Variants in GPATCH2 observed in about 807,000 individuals in gnomAD.
GPATCH2 encodes the protein G patch domain-containing protein 2.
In GPATCH2, 51 loss-of-function variants were observed where a neutral mutation model predicts 58.0. That is an observed-to-expected ratio of 0.88 (90% CI 0.70 to 1.11). The LOEUF (loss-of-function observed/expected upper bound fraction) is 1.11. Ranked by LOEUF, GPATCH2 falls within the 50% of genes most tolerant of loss-of-function variation. The probability of loss-of-function intolerance (pLI) is 0.00; values close to 1 mark genes in which losing one functional copy is unlikely to be tolerated. For missense variants in GPATCH2, 625 were observed against 652.2 expected (o/e 0.96, Z 0.45); for synonymous variants, 222 against 218.5 (o/e 1.02, Z -0.14).
intron 5 of GPATCH2, among the ~76,000 whole-genome samples, chr1:217,524,660 A>C (rs564714916): frequency 8.6e-5 from 13 of 151,596 alleles, no homozygotes; most frequent in Non-Finnish European, 1.0e-4. Context: ...GGAGCTGGAG[A>C]CCAGCCCTGC....
chr1:217,615,946 G>T (rs1180111299), intron 2 of GPATCH2, among the ~76,000 whole-genome samples: 1 of 151,930 alleles, frequency 6.6e-6, no homozygotes, highest in East Asian at 1.9e-4. Context: ...ATACAGCCAG[G>T]TTCATCTTTT....
At chr1:217,578,656 T>TA (rs750295829) in intron 5 of GPATCH2, among the ~76,000 whole-genome samples, 2 of 152,232 alleles carry the variant, frequency 1.3e-5, no homozygotes, top group African/African-American at 2.4e-5. Context: ...TGTGTTTTAC[T>TA]GACTGAATAA....
At chr1:217,453,423 T>C (rs540729745) in intron 8 of GPATCH2, among the ~76,000 whole-genome samples, 1 of 152,218 alleles carries the variant, frequency 6.6e-6, no homozygotes, top group South Asian at 2.1e-4. Flanking sequence ...ATGGTGCATT[T>C]TTGTTACGGG....
At chr1:217,603,467 T>C (rs1032492262) in intron 5 of GPATCH2, among the ~76,000 whole-genome samples, 1 of 152,142 alleles carries the variant, frequency 6.6e-6, no homozygotes, top group Non-Finnish European at 1.5e-5. Flanking sequence ...TAATAAAGCA[T>C]AATACAATAA....
chr1:217,488,235 G>A (rs1262377751), intron 8 of GPATCH2, among the ~76,000 whole-genome samples: 1 of 152,130 alleles, frequency 6.6e-6, no homozygotes, highest in Non-Finnish European at 1.5e-5. Context: ...CAGTTTGGAT[G>A]CAAGGTTTTA....
intron 5 of GPATCH2, among the ~76,000 whole-genome samples, chr1:217,549,390 T>C (rs1330815513): frequency 6.6e-6 from 1 of 152,310 alleles, no homozygotes; most frequent in East Asian, 1.9e-4. Context: ...ATTTGGGAAA[T>C]GAAGATGGCA....
At chr1:217,533,423 CAAAT>C (rs894141875) in intron 5 of GPATCH2, among the ~76,000 whole-genome samples, 12 of 152,110 alleles carry the variant, frequency 7.9e-5, no homozygotes, top group African/African-American at 2.4e-4. Flanking sequence ...GTGAAAAAGA[CAAAT>C]AATATCTTAG....
At chr1:217,451,839 T>A (rs1440456653) in intron 8 of GPATCH2, among the ~76,000 whole-genome samples, 2 of 152,196 alleles carry the variant, frequency 1.3e-5, no homozygotes, top group Non-Finnish European at 2.9e-5. Flanking sequence ...ACTCATGAAC[T>A]AGCTACTTCT....
chr1:217,629,232 C>G (rs1223861438), intron 1 of GPATCH2, among the ~76,000 whole-genome samples: 1 of 98,432 alleles, frequency 1.0e-5, no homozygotes, highest in Non-Finnish European at 2.5e-5. Flanking sequence ...GATAGTCATA[C>G]AGATAGTCAT....
chr1:217,557,950 A>T (rs1665726058), intron 5 of GPATCH2, among the ~76,000 whole-genome samples: 1 of 152,210 alleles, frequency 6.6e-6, no homozygotes, highest in Non-Finnish European at 1.5e-5. Flanking sequence ...GTTAATCTGT[A>T]AAACGCTTCT....
At chr1:217,523,515 C>A (rs1663592782) in intron 5 of GPATCH2, among the ~76,000 whole-genome samples, 1 of 151,480 alleles carries the variant, frequency 6.6e-6, no homozygotes, top group Admixed American at 6.6e-5. Context: ...AACAGGATCC[C>A]AAGGCAGAAG....
At chr1:217,483,307 C>T (rs933854634) in intron 8 of GPATCH2, among the ~76,000 whole-genome samples, 5 of 152,080 alleles carry the variant, frequency 3.3e-5, no homozygotes, top group African/African-American at 1.2e-4. Flanking sequence ...ACCTTGGCCT[C>T]CTGAGTAGAT....
At chr1:217,563,912 C>T (rs955793246) in intron 5 of GPATCH2, among the ~76,000 whole-genome samples, 5 of 151,668 alleles carry the variant, frequency 3.3e-5, no homozygotes, top group Admixed American at 2.6e-4. Context: ...GGCGTGGTGG[C>T]GCATGCCTGT....
At chr1:217,498,182 A>G (rs114046161) in intron 7 of GPATCH2, 174 bp downstream of exon 7, 11,000 of 727,122 alleles carry the variant, frequency 0.015, 200 homozygotes, top group South Asian at 0.046. Context: ...CATGCTGATT[A>G]AGGATCACGC....
intron 5 of GPATCH2, among the ~76,000 whole-genome samples, chr1:217,598,511 G>A (rs931597688): frequency 6.6e-6 from 1 of 151,814 alleles, no homozygotes; most frequent in Non-Finnish European, 1.5e-5. Flanking sequence ...GGAGTGCAGT[G>A]GCGCAGTCTT....
intron 5 of GPATCH2, among the ~76,000 whole-genome samples, chr1:217,564,422 A>G (rs1666103524): frequency 6.6e-6 from 1 of 152,190 alleles, no homozygotes; most frequent in Non-Finnish European, 1.5e-5. Context: ...TCCATTTGCA[A>G]TTCATGGTGT....
chr1:217,550,488 T>A (rs201606653), intron 5 of GPATCH2, among the ~76,000 whole-genome samples: 2 of 152,014 alleles, frequency 1.3e-5, no homozygotes, highest in Non-Finnish European at 2.9e-5. Context: ...GGAATAGTGT[T>A]AAATACAAAC....
At chr1:217,558,437 T>C (rs1665750309) in intron 5 of GPATCH2, among the ~76,000 whole-genome samples, 1 of 152,226 alleles carries the variant, frequency 6.6e-6, no homozygotes, top group Admixed American at 6.5e-5. Context: ...TCATGATCTT[T>C]TGTTGTAATA....
At chr1:217,564,043 T>A (rs2990533) in intron 5 of GPATCH2, among the ~76,000 whole-genome samples, 11,080 of 59,824 alleles carry the variant, frequency 0.19, 705 homozygotes, top group Middle Eastern at 0.33. Context: ...AAACTCCGTC[T>A]CGAAAAAAAA....
Sources: allele counts gnomAD v4.1 joint callset (sites outside exome capture counted in the v4.1 genomes callset), GRCh38; gene constraint gnomAD v4.1.1; transcripts MANE v1.5; gene names NCBI Gene and HGNC (gene_info 2026-07-23, HGNC 2026-07-21).